S100B: variants seen among roughly 807,000 people sequenced by gnomAD.
S100B encodes the protein protein S100-B.
Under a neutral mutation model 7.7 loss-of-function variants are expected in S100B, and 6 were observed. That is an observed-to-expected ratio of 0.78 (90% confidence interval 0.43 to 1.54). The LOEUF (loss-of-function observed/expected upper bound fraction) is 1.54. Ranked by LOEUF, S100B falls within the 40% of genes most tolerant of loss-of-function variation. S100B has a pLI of 0.01. For missense variants in S100B, 99 were observed against 111.8 expected (o/e 0.89, Z 0.52); for synonymous variants, 36 against 40.4 (o/e 0.89, Z 0.41).
At position 46,599,337 on chromosome 21, in the gene S100B, A is replaced by G; in HGVS notation, c.*26T>C. Reference sequence around the variant, plus strand: ...TTTCTTGCATGACCGTCTCTGTTACAGGAAAGGTTTGGCTGCTTTCTAATC... The same window carrying G: ...TTTCTTGCATGACCGTCTCTGTTACGGGAAAGGTTTGGCTGCTTTCTAATC... On this transcript the variant is annotated 3_prime_UTR_variant, in exon 3 of 3. Coordinates refer to ENST00000291700, the MANE Select transcript of S100B (RefSeq NM_006272.3). 1 of 1,609,270 alleles carries G rather than the reference A, an allele frequency of 6.2e-7. No homozygotes were observed. Among genetic ancestry groups the G allele is most frequent in the South Asian group, 1.1e-5 (1 of 90,260 alleles).
chr21:46,602,365 T>C lies in S100B; in HGVS notation c.51A>G (p.Gln17=), dbSNP rs1449563691. Residue 17 remains glutamine (Q), a synonymous_variant, in exon 2 of 3, where the codon CAA becomes CAG. Coordinates refer to ENST00000291700, the MANE Select transcript of S100B (RefSeq NM_006272.3). The part of the protein sequence containing the change: ...AMVALIDVFH[Q]YSGREGDKHK... ...GCTTGTCTCCCTCCCTTCCAGAATA[T>C]TGGTGGAAAACGTCGATGAGGGCCA... The C allele has an allele frequency of 1.2e-6, 2 of 1,614,096 alleles. No homozygotes were observed. Among genetic ancestry groups the C allele is most frequent in the Admixed American group, 1.7e-5 (1 of 60,026 alleles).
intron 2 of S100B, 48 bp from the exon 3 acceptor site, chr21:46,599,551 T>C: frequency 6.4e-7 from 1 of 1,572,010 alleles, no homozygotes; most frequent in Non-Finnish European, 8.8e-7. Context: ...AATGGAATTT[T>C]GGACCATCAA....
In S100B at chr21:46,600,459, C is replaced by T. The variant is rs114659033; in HGVS notation, c.139-956G>A. The T allele has an allele frequency of 7.1e-3, 2,676 of 378,426 alleles. 66 individuals are homozygous for T. The highest frequency in any genetic ancestry group is 0.053 in the African/African-American group (2,460 of 46,432). The allele number at this position is 378,426 out of a possible 1,614,324, so 23.4% of individuals were successfully genotyped here. On this transcript the variant is annotated intron_variant, in intron 2 of 2. Coordinates refer to ENST00000291700, the MANE Select transcript of S100B (RefSeq NM_006272.3). Reference sequence around the variant, plus strand: ...TACTCAGGAGGCTGAGGCGGAGGATCGCTTGAGCCTGGGAGGTTGAGGCTG... The same window carrying T: ...TACTCAGGAGGCTGAGGCGGAGGATTGCTTGAGCCTGGGAGGTTGAGGCTG...
At chr21:46,603,398 T>TGGGGGGGGGGGGGGGGGGGGGGGGGGG in intron 1 of S100B, among the ~76,000 whole-genome samples, 1 of 52,068 alleles carries the variant, frequency 1.9e-5, no homozygotes, top group Non-Finnish European at 3.8e-5. Context: ...CGGGAGGGGG[T>TGGGGGGGGGGGGGGGGGGGGGGGGGGG]GGGGGCAGGA....
chr21:46,601,338 C>T (rs943358698), intron 2 of S100B, among the ~76,000 whole-genome samples: 1 of 152,138 alleles, frequency 6.6e-6, no homozygotes, highest in African/African-American at 2.4e-5. Context: ...ATCAGTGACC[C>T]AGGAAGCCCT....
chr21:46,600,756 A>G, intron 2 of S100B, among the ~76,000 whole-genome samples: 1 of 152,194 alleles, frequency 6.6e-6, no homozygotes, highest in South Asian at 2.1e-4. Flanking sequence ...TTACAAATTG[A>G]AATTCCCAAG....
At chr21:46,601,409 G>T (rs2061041015) in intron 2 of S100B, among the ~76,000 whole-genome samples, 1 of 152,164 alleles carries the variant, frequency 6.6e-6, no homozygotes, top group Admixed American at 6.5e-5. Context: ...CGTGCCTCAA[G>T]CCAGCCTTGG....
At position 46,602,263 on chromosome 21, in the gene S100B, A is replaced by C; in HGVS notation, c.138+15T>G. ...GGAGATGGAGAAAGTGTCAAGTTTA[A>C]AAAGCAAGACTCACCTCTAAGAAAT... On this transcript the variant is annotated intron_variant, in intron 2 of 2. Transcript: ENST00000291700. 2 of 1,608,418 alleles carry C rather than the reference A, an allele frequency of 1.2e-6. No homozygotes were observed. Among genetic ancestry groups the C allele is most frequent in the Non-Finnish European group, 1.7e-6 (2 of 1,177,386 alleles).
chr21:46,599,829 A>AAAAT (rs2061036647), intron 2 of S100B, among the ~76,000 whole-genome samples: 1 of 152,210 alleles, frequency 6.6e-6, no homozygotes, highest in Non-Finnish European at 1.5e-5. Flanking sequence ...TCTTGAAATA[A>AAAAT]AAATAAACTT....
rs780611950 is a variant in S100B at position 46,599,376 on chromosome 21, A to G, written c.266T>C (p.Phe89Ser). Residue 89 changes from phenylalanine (F) to serine (S), a missense_variant, in exon 3 of 3, where the codon TTT becomes TCT. Physicochemically the swap from Phe to Ser is radical, Grantham distance 155. Transcript: ENST00000291700. ...AMVTTACHEF[F>S]EHE is the part of the protein sequence containing the mutation. ...TGCTTTCTAATCTCACTCATGTTCA[A>G]AGAACTCGTGGCAGGCAGTAGTAAC... 2 of 1,613,784 alleles carry G rather than the reference A, an allele frequency of 1.2e-6. No individual in the cohort carries two copies. Among genetic ancestry groups the G allele is most frequent in the Admixed American group, 1.7e-5 (1 of 59,926 alleles).
chr21:46,601,141 C>T (rs2300403), intron 2 of S100B, among the ~76,000 whole-genome samples: 97,877 of 152,000 alleles, frequency 0.64, 31,975 homozygotes, highest in South Asian at 0.74. Context: ...CCTGAAAACA[C>T]GGACTGCCGT....
chr21:46,601,026 T>C (rs2061039866), intron 2 of S100B, among the ~76,000 whole-genome samples: 1 of 152,110 alleles, frequency 6.6e-6, no homozygotes, highest in Non-Finnish European at 1.5e-5. Flanking sequence ...GGGGACACCC[T>C]CTGCAAAGTT....
At chr21:46,604,316 A>T (rs1240841202) in intron 1 of S100B, among the ~76,000 whole-genome samples, 2 of 152,204 alleles carry the variant, frequency 1.3e-5, no homozygotes, top group Non-Finnish European at 2.9e-5. Flanking sequence ...TAATCTTTTA[A>T]TATTGAGAAC....
chr21:46,602,448 A>C, intron 1 of S100B, 32 bp from the exon 2 acceptor site: 2 of 1,605,204 alleles, frequency 1.2e-6, no homozygotes, highest in Non-Finnish European at 1.7e-6. Context: ...TTGCCTTCTC[A>C]TCTATACCTC....
chr21:46,598,671 C>G lies in S100B; in HGVS notation c.*692G>C, dbSNP rs922312655. Among the ~76,000 whole-genome samples the G allele has an allele frequency of 9.2e-5, 14 of 152,238 alleles. No homozygotes were observed. The highest frequency in any genetic ancestry group is 1.5e-4 in the Non-Finnish European group (10 of 68,052). On this transcript the variant is annotated 3_prime_UTR_variant, in exon 3 of 3. Transcript: ENST00000291700. ...GGCTCAGAGCCCCCGGTAGTGCCCT[C>G]GGAAGCCGCATGTGCTGGAGGCACG...
intron 1 of S100B, 57 bp from the exon 2 acceptor site, chr21:46,602,473 C>A: frequency 6.5e-7 from 1 of 1,550,260 alleles, no homozygotes; most frequent in Non-Finnish European, 8.8e-7. Flanking sequence ...TAAAACATTT[C>A]ATATGTTATC....
Position 46,604,381 on chromosome 21 carries a change from G to A in S100B, c.-2+632C>T, listed in dbSNP as rs192249998. ...AAAGACAAGTTACCTAGCGTGTGAG[G>A]ATCCCTCTAAAGAAGGGGTTCGACC... On this transcript the variant is annotated intron_variant, in intron 1 of 2. Coordinates refer to ENST00000291700, the MANE Select transcript of S100B (RefSeq NM_006272.3). Among the ~76,000 whole-genome samples, 46 of 152,254 alleles carry A rather than the reference G, an allele frequency of 3.0e-4. No individual in the cohort carries two copies. The East Asian group carries it at 8.9e-3, about 29-fold the overall frequency.
intron 2 of S100B, among the ~76,000 whole-genome samples, chr21:46,600,632 G>C (rs1424794915): frequency 6.6e-6 from 1 of 152,110 alleles, no homozygotes; most frequent in Admixed American, 6.6e-5. Context: ...GGCAGGAGCA[G>C]GGCACTAACT....
In S100B at chr21:46,599,145, G is replaced by A; in HGVS notation, c.*218C>T. ...TAACAAGAGTCCCTGGGGCCAGTCA[G>A]CTTACACACAGGCCTAATATAGCAG... On this transcript the variant is annotated 3_prime_UTR_variant, in exon 3 of 3. Transcript: ENST00000291700. The A allele has an allele frequency of 1.8e-6, 1 of 568,604 alleles. No individual in the cohort carries two copies. Among genetic ancestry groups the A allele is most frequent in the African/African-American group, 1.9e-5 (1 of 53,282 alleles). The allele number at this position is 568,604 out of a possible 1,614,324, so 35.2% of individuals were successfully genotyped here.
Sources: allele counts gnomAD v4.1 joint callset (sites outside exome capture counted in the v4.1 genomes callset), GRCh38; gene constraint gnomAD v4.1.1; transcripts MANE v1.5; gene names NCBI Gene and HGNC (gene_info 2026-07-23, HGNC 2026-07-21).